CDH23: variants seen among roughly 807,000 people sequenced by gnomAD.
The protein encoded by CDH23 is cadherin related 23, also known as cadherin-23.
A neutral mutation model predicts 317.1 loss-of-function variants in CDH23; 189 were observed. That is an observed-to-expected ratio of 0.60 (90% CI 0.53 to 0.67). The LOEUF (loss-of-function observed/expected upper bound fraction) is 0.67. Ranked by LOEUF, CDH23 falls within the 30% of genes least tolerant of loss-of-function variation. The probability of loss-of-function intolerance (pLI) is 0.00; values close to 1 mark genes in which losing one functional copy is unlikely to be tolerated. For synonymous variants in CDH23, 1,839 were observed against 1,876.8 expected (o/e 0.98, Z 0.52); for missense variants, 4,401 against 4,592.4 (o/e 0.96, Z 1.20).
chr10:71,527,380 A>G (rs542085971), intron 6 of CDH23, among the ~76,000 whole-genome samples: 1 of 152,370 alleles, frequency 6.6e-6, no homozygotes, highest in East Asian at 1.9e-4. Flanking sequence ...GAATGCTGCC[A>G]TCAAGGCCAT....
intron 34 of CDH23, 83 bp from the exon 35 acceptor site, chr10:71,738,410 GGTCCC>G: frequency 6.6e-7 from 1 of 1,503,818 alleles, no homozygotes; most frequent in Non-Finnish European, 9.2e-7. Context: ...CTGGGGATCT[GGTCCC>G]TACTGGACCC....
At chr10:71,504,021 T>G (rs1853494126) in intron 3 of CDH23, among the ~76,000 whole-genome samples, 1 of 151,266 alleles carries the variant, frequency 6.6e-6, no homozygotes, top group African/African-American at 2.4e-5. Flanking sequence ...TTAGAAATGG[T>G]CAATTTAAGG....
At chr10:71,617,651 A>C (rs141720880) in intron 11 of CDH23, 9 of 511,918 alleles carry the variant, frequency 1.8e-5, no homozygotes, top group African/African-American at 1.6e-4. Context: ...ATACATGATC[A>C]TCATACTAAT....
At position 71,732,277 on chromosome 10, in the gene CDH23, C is replaced by T; in HGVS notation, c.4006C>T (p.Gln1336Ter). The change falls in exon 32 of 70, where the codon CAG becomes TAG. Residue 1336 changes from glutamine (Q) to a stop codon, truncating the protein, a stop_gained. Coordinates refer to ENST00000224721, the MANE Select transcript of CDH23 (RefSeq NM_022124.6). LOFTEE classifies it high-confidence loss of function. ...ACTGGGTACTGAGATTGTGCGGGTC[C>T]AGGCCTACTCCATCGACAACCTCAA... ...LALGTEIVRV[Q>*]AYSIDNLNQI... is the part of the protein sequence containing the mutation. The T allele has an allele frequency of 6.2e-7, 1 of 1,613,320 alleles. No homozygotes were observed. Among genetic ancestry groups the T allele is most frequent in the Non-Finnish European group, 8.5e-7 (1 of 1,179,568 alleles).
chr10:71,434,436 G>A (rs989768125), intron 1 of CDH23, among the ~76,000 whole-genome samples: 3 of 152,204 alleles, frequency 2.0e-5, no homozygotes, highest in African/African-American at 7.2e-5. Context: ...TGTGCGCAGT[G>A]TGGCCAGACC....
At chr10:71,443,662 T>C (rs7081038) in intron 2 of CDH23, among the ~76,000 whole-genome samples, 51,985 of 152,186 alleles carry the variant, frequency 0.34, 9,107 homozygotes, top group Middle Eastern at 0.48. Context: ...CACGTGGGGC[T>C]TGGGACAGAG....
intron 50 of CDH23, 25 bp downstream of exon 50, chr10:71,798,603 G>A (rs766295435): frequency 6.4e-7 from 1 of 1,555,110 alleles, no homozygotes; most frequent in Non-Finnish European, 8.8e-7. Flanking sequence ...TGTCAGAGGA[G>A]GGCTGGGGGA....
chr10:71,707,087 T>TGGGGCCCTGCCTCCACCCCTCCC, intron 26 of CDH23, 38 bp downstream of exon 26: 1 of 1,579,456 alleles, frequency 6.3e-7, no homozygotes, highest in Non-Finnish European at 8.6e-7. Flanking sequence ...GCAGGCCTCC[T>TGGGGCCCTGCCTCCACCCCTCCC]GGGGCCCTGC....
chr10:71,773,042 C>T (rs1337089550), intron 38 of CDH23, among the ~76,000 whole-genome samples: 3 of 152,232 alleles, frequency 2.0e-5, no homozygotes, highest in Admixed American at 1.3e-4. Context: ...GCCTCTCCTT[C>T]TTTGCAGAAG....
chr10:71,682,345 G>A (rs1017486158), intron 17 of CDH23, 100 bp from the exon 18 acceptor site: 15 of 1,474,708 alleles, frequency 1.0e-5, no homozygotes, highest in African/African-American at 2.8e-5. Context: ...GCTGGCCCGG[G>A]CCATGCCAGC....
At chr10:71,777,644 C>T (rs754587536) in intron 38 of CDH23, 36 bp from the exon 39 acceptor site, 36 of 1,570,434 alleles carry the variant, frequency 2.3e-5, no homozygotes, top group Non-Finnish European at 2.7e-5. Context: ...TCCCTCTGGC[C>T]ACCTGACCAA....
Position 71,677,477 on chromosome 10 carries a change from G to A in CDH23, c.1536G>A (p.Thr512=), listed in dbSNP as rs56128491. Residue 512 remains threonine (T), a synonymous_variant, in exon 16 of 70, where the codon ACG becomes ACA. Coordinates refer to ENST00000224721, the MANE Select transcript of CDH23 (RefSeq NM_022124.6). ...ACAGGTTCTCGCTGGACAAGGACACGGGACTCATCATGCTGATTGCCAGGC... is the reference window on the plus strand; with the variant it reads ...ACAGGTTCTCGCTGGACAAGGACACAGGACTCATCATGCTGATTGCCAGGC... ...DPDRFSLDKD[T]GLIMLIARLD... 65 of 1,609,854 alleles carry A rather than the reference G, an allele frequency of 4.0e-5. No individual in the cohort carries two copies. Among genetic ancestry groups the A allele is most frequent in the Non-Finnish European group, 5.1e-5 (60 of 1,178,122 alleles).
intron 11 of CDH23, among the ~76,000 whole-genome samples, chr10:71,625,237 C>T (rs77716377): frequency 2.6e-5 from 4 of 151,068 alleles, no homozygotes; most frequent in Non-Finnish European, 4.4e-5. Context: ...TCCCACCGAG[C>T]GGAGGGGCCT....
intron 30 of CDH23, among the ~76,000 whole-genome samples, chr10:71,726,440 G>A (rs557199681): frequency 6.6e-6 from 1 of 152,222 alleles, no homozygotes; most frequent in African/African-American, 2.4e-5. Context: ...TTGCTCAGGG[G>A]CTGTGCTGGG....
chr10:71,461,269 C>CCACACTGACAGTGGGCAT (rs950635782), intron 3 of CDH23, among the ~76,000 whole-genome samples: 101 of 152,352 alleles, frequency 6.6e-4, no homozygotes, highest in South Asian at 2.1e-4. Flanking sequence ...GTAGTGTGCA[C>CCACACTGACAGTGGGCAT]CACACTGACA....
intron 9 of CDH23, among the ~76,000 whole-genome samples, chr10:71,589,604 A>C (rs182435375): frequency 6.6e-6 from 1 of 152,332 alleles, no homozygotes; most frequent in East Asian, 1.9e-4. Context: ...TATGTAATAC[A>C]CACTTTCGGA....
At chr10:71,440,704 C>T (rs1381201649) in intron 2 of CDH23, among the ~76,000 whole-genome samples, 1 of 152,160 alleles carries the variant, frequency 6.6e-6, no homozygotes, top group African/African-American at 2.4e-5. Context: ...TCGCTTGGCC[C>T]CTGGACAGCA....
At position 71,690,512 on chromosome 10, in the gene CDH23, C is replaced by T. The variant is rs528779319; in HGVS notation, c.2104C>T (p.Arg702Trp). 74 of 1,611,490 alleles carry T rather than the reference C, an allele frequency of 4.6e-5. No homozygotes were observed. Among genetic ancestry groups the T allele is most frequent in the Admixed American group, 6.7e-5 (4 of 59,724 alleles). Residue 702 changes from arginine to tryptophan, a missense_variant, in exon 20 of 70, where the codon CGG becomes TGG. Arg to Trp is a moderately radical substitution (Grantham distance 101, BLOSUM62 -3). Coordinates refer to ENST00000224721, the MANE Select transcript of CDH23 (RefSeq NM_022124.6). Reference sequence around the variant, plus strand: ...GAATGCCACAGACCTGGACCGCTCCCGGGAGTACGGCCAGGAGTCCATCAT... The same window carrying T: ...GAATGCCACAGACCTGGACCGCTCCTGGGAGTACGGCCAGGAGTCCATCAT... ...FLNATDLDRS[R>W]EYGQESIIYS...
intron 38 of CDH23, among the ~76,000 whole-genome samples, chr10:71,777,036 G>A (rs1333510973): frequency 6.6e-6 from 1 of 152,238 alleles, no homozygotes; most frequent in Non-Finnish European, 1.5e-5. Context: ...TGGCAGAGAT[G>A]GCCGATCACA....
Sources: gnomAD v4.1 joint callset for allele counts (sites outside exome capture counted in the v4.1 genomes callset) on GRCh38, gnomAD v4.1.1 for gene constraint, MANE v1.5 for transcripts, NCBI Gene and HGNC (gene_info 2026-07-23, HGNC 2026-07-21) for gene names.